Variants in CDK2 observed in about 807,000 individuals in gnomAD.
CDK2 encodes the protein cyclin-dependent kinase 2.
A neutral mutation model predicts 35.0 loss-of-function variants in CDK2; 8 were observed. The observed-to-expected ratio is 0.23, with a 90% CI of 0.13 to 0.41. The LOEUF (loss-of-function observed/expected upper bound fraction) is 0.41. Among genes scored for constraint, CDK2 ranks in the 10% least tolerant of loss-of-function variants. The probability of loss-of-function intolerance (pLI) is 1.00; values close to 1 mark genes in which losing one functional copy is unlikely to be tolerated. For synonymous variants in CDK2, 134 were observed against 137.7 expected, an observed-to-expected ratio of 0.97 and a Z score of 0.19; for missense variants, 201 against 367.1, an observed-to-expected ratio of 0.55 and a Z score of 3.70.
intron 3 of CDK2, chr12:55,968,420 G>A (rs1472429431): frequency 4.0e-6 from 2 of 504,964 alleles, no homozygotes; most frequent in Non-Finnish European, 7.0e-6. Flanking sequence ...ATGAAACTCA[G>A]ATAAACGGGA....
chr12:55,967,523 C>G, intron 1 of CDK2: 1 of 441,284 alleles, frequency 2.3e-6, no homozygotes, highest in East Asian at 4.2e-5. Flanking sequence ...ATTCTCTCCT[C>G]TTTCCAAAGA....
chr12:55,971,368 T>G, intron 6 of CDK2, 121 bp downstream of exon 6: 1 of 1,126,952 alleles, frequency 8.9e-7, no homozygotes, highest in East Asian at 2.3e-5. Context: ...GTTCCTGCTC[T>G]CCCTGTTGGC....
At chr12:55,971,021 A>ATTTC (rs1565781895) in intron 5 of CDK2, 23 bp from the exon 6 acceptor site, 2 of 1,600,666 alleles carry the variant, frequency 1.2e-6, no homozygotes, top group South Asian at 2.2e-5. Context: ...GGGTCTTGGT[A>ATTTC]TTTCCTCTTT....
intron 3 of CDK2, 107 bp from the exon 4 acceptor site, chr12:55,968,671 C>T (rs1889399578): frequency 3.6e-6 from 3 of 825,476 alleles, no homozygotes; most frequent in Non-Finnish European, 5.6e-6. Context: ...AAATATGTAA[C>T]TATAATCCAA....
chr12:55,968,872 CAG>C lies in CDK2; in HGVS notation c.413_414del (p.Glu138GlyfsTer24). ...AAACCTCAGAATCTGCTTATTAACA[CAG>C]AGGGGGCCATCAAGCTAGCAGACTT... On this transcript the variant is annotated frameshift_variant, in exon 4 of 7. Coordinates refer to ENST00000266970, the MANE Select transcript of CDK2 (RefSeq NM_001798.5). LOFTEE classifies it high-confidence loss of function. The C allele has an allele frequency of 6.2e-7, 1 of 1,612,394 alleles. No individual in the cohort carries two copies. The highest frequency in any genetic ancestry group is 8.5e-7 in the Non-Finnish European group (1 of 1,179,340).
At position 55,966,992 on chromosome 12, in the gene CDK2, C is replaced by T; in HGVS notation, c.-17C>T. 3.8e-6 allele frequency: 6 copies of T among 1,594,442 alleles called. No individual in the cohort carries two copies. Among genetic ancestry groups the T allele is most frequent in the Non-Finnish European group, 5.1e-6 (6 of 1,166,836 alleles). ...CCCCCGCTCCAGGGCCGGGCTGACCCGACTCGCTGGCGCTTCATGGAGAAC... is the reference window on the plus strand; with the variant it reads ...CCCCCGCTCCAGGGCCGGGCTGACCTGACTCGCTGGCGCTTCATGGAGAAC... On this transcript the variant is annotated 5_prime_UTR_variant, in exon 1 of 7. Transcript: ENST00000266970.
intron 3 of CDK2, 192 bp downstream of exon 3, chr12:55,968,361 A>G (rs1889390468): frequency 5.0e-6 from 3 of 605,334 alleles, no homozygotes; most frequent in Non-Finnish European, 8.4e-6. Context: ...CTGAACAATC[A>G]AAGTTGAAAC....
chr12:55,971,455 G>A, intron 6 of CDK2, 66 bp from the exon 7 acceptor site: 1 of 1,296,736 alleles, frequency 7.7e-7, no homozygotes, highest in Non-Finnish European at 1.1e-6. Context: ...CTGATTTCTG[G>A]GAACACCTGC....
chr12:55,967,068 A>C lies in CDK2; in HGVS notation c.60A>C (p.Lys20Asn). Residue 20 changes from lysine (K) to asparagine (N), a missense_variant, in exon 1 of 7, where the codon AAA becomes AAC. Lys to Asn is a moderately conservative substitution (Grantham distance 94, BLOSUM62 0). Transcript: ENST00000266970. The part of the protein sequence containing the change: ...IGEGTYGVVY[K>N]ARNKLTGEVV... Reference sequence around the variant, plus strand: ...AGGGCACGTACGGAGTTGTGTACAAAGCCAGAAACAAGTTGACGGGAGAGG... The same window carrying C: ...AGGGCACGTACGGAGTTGTGTACAACGCCAGAAACAAGTTGACGGGAGAGG... The C allele has an allele frequency of 6.2e-7, 1 of 1,614,076 alleles. No homozygotes were observed. The highest frequency in any genetic ancestry group is 8.5e-7 in the Non-Finnish European group (1 of 1,180,014).
Position 55,969,564 on chromosome 12 carries a change from C to A in CDK2, c.576C>A (p.Ile192=). 1 of 1,604,202 alleles carries A rather than the reference C, an allele frequency of 6.2e-7. No individual in the cohort carries two copies. Among genetic ancestry groups the A allele is most frequent in the Middle Eastern group, 1.7e-4 (1 of 6,018 alleles). The part of the protein sequence containing the change: ...TAVDIWSLGC[I]FAEMVTRRAL... ...TGGACATCTGGAGCCTGGGCTGCAT[C>A]TTTGCTGAGATGGTATGGAGGCTTG... Residue 192 remains isoleucine, a synonymous_variant, in exon 5 of 7, where the codon ATC becomes ATA. Transcript: ENST00000266970.
Position 55,971,886 on chromosome 12 carries a change from G to A in CDK2, c.*261G>A, listed in dbSNP as rs1889486012. 1 of 428,390 alleles carries A rather than the reference G, an allele frequency of 2.3e-6. No individual in the cohort carries two copies. The highest frequency in any genetic ancestry group is 4.1e-6 in the Non-Finnish European group (1 of 241,536). The allele number at this position is 428,390 out of a possible 1,614,324, so 26.5% of individuals were successfully genotyped here. ...CCTTCTCTTAGTTATTGCTGAAGAG[G>A]GTTGGTATAAAAATAATTTTAAAAA... On this transcript the variant is annotated 3_prime_UTR_variant, in exon 7 of 7. Transcript: ENST00000266970.
chr12:55,967,201 G>A, intron 1 of CDK2, 77 bp downstream of exon 1: 1 of 1,077,552 alleles, frequency 9.3e-7, no homozygotes, highest in Non-Finnish European at 1.4e-6. Flanking sequence ...CGGGCGGGTA[G>A]CCGTCCAGGG....
At chr12:55,968,257 C>A in intron 3 of CDK2, 88 bp downstream of exon 3, 1 of 1,479,310 alleles carries the variant, frequency 6.8e-7, no homozygotes, top group Non-Finnish European at 9.3e-7. Flanking sequence ...ATGATTTTGG[C>A]CTCCTTCTGA....
chr12:55,967,477 G>A, intron 1 of CDK2: 2 of 416,762 alleles, frequency 4.8e-6, no homozygotes, highest in Non-Finnish European at 8.8e-6. Flanking sequence ...CTTTCTGAAT[G>A]AAGAGCCCTC....
intron 6 of CDK2, 43 bp downstream of exon 6, chr12:55,971,290 G>A (rs758389913): frequency 6.3e-7 from 1 of 1,579,826 alleles, no homozygotes; most frequent in Non-Finnish European, 8.7e-7. Context: ...TTCTCCCAGG[G>A]AAGGGCTTTT....
intron 5 of CDK2, chr12:55,969,862 G>A (rs780905922): frequency 1.0e-4 from 25 of 250,178 alleles, no homozygotes; most frequent in Non-Finnish European, 1.7e-4. Context: ...ATATATTTGG[G>A]AGAATGATTC....
At chr12:55,970,419 C>T (rs1889442858) in intron 5 of CDK2, among the ~76,000 whole-genome samples, 1 of 148,170 alleles carries the variant, frequency 6.7e-6, no homozygotes, top group Non-Finnish European at 1.5e-5. Context: ...TATAACAGTA[C>T]AGTGGTGCAG....
chr12:55,968,866 T>G lies in CDK2; in HGVS notation c.404T>G (p.Ile135Ser), dbSNP rs771983231. The G allele has an allele frequency of 6.2e-7, 1 of 1,613,104 alleles. No individual in the cohort carries two copies. The highest frequency in any genetic ancestry group is 1.1e-5 in the South Asian group (1 of 90,906). Residue 135 changes from isoleucine to serine, a missense_variant, in exon 4 of 7, where the codon ATT becomes AGT. Physicochemically the swap from Ile to Ser is moderately radical, Grantham distance 142 (BLOSUM62 -2). Coordinates refer to ENST00000266970, the MANE Select transcript of CDK2 (RefSeq NM_001798.5). ...GACCTTAAACCTCAGAATCTGCTTA[T>G]TAACACAGAGGGGGCCATCAAGCTA... The part of the protein sequence containing the change: ...HRDLKPQNLL[I>S]NTEGAIKLAD...
At chr12:55,971,370 C>T (rs1445956435) in intron 6 of CDK2, 123 bp downstream of exon 6, 2 of 1,109,934 alleles carry the variant, frequency 1.8e-6, no homozygotes, top group African/African-American at 1.5e-5. Flanking sequence ...TCCTGCTCTC[C>T]CTGTTGGCAC....
Sources: allele counts gnomAD v4.1 joint callset (sites outside exome capture counted in the v4.1 genomes callset), GRCh38; gene constraint gnomAD v4.1.1; transcripts MANE v1.5; gene names NCBI Gene and HGNC (gene_info 2026-07-23, HGNC 2026-07-21).